Variants in ENTPD1 observed in about 807,000 individuals in gnomAD.
The protein encoded by ENTPD1 is ectonucleoside triphosphate diphosphohydrolase 1.
ENTPD1 carries 33 observed loss-of-function variants against 57.0 expected under a neutral mutation model. The observed-to-expected ratio is 0.58, with a 90% CI of 0.44 to 0.77. ENTPD1 has a LOEUF of 0.77. Among genes scored for constraint, ENTPD1 ranks in the 30% least tolerant of loss-of-function variants. ENTPD1 has a pLI of 0.00. For missense variants in ENTPD1, 501 were observed against 603.4 expected, an observed-to-expected ratio of 0.83 and a Z score of 1.78; for synonymous variants, 202 against 218.8, an observed-to-expected ratio of 0.92 and a Z score of 0.68.
chr10:95,867,640 G>C lies in ENTPD1; in HGVS notation c.*1257G>C. 1 of 985,404 alleles carries C rather than the reference G, an allele frequency of 1.0e-6. No homozygotes were observed. Among genetic ancestry groups the C allele is most frequent in the Non-Finnish European group, 1.2e-6 (1 of 829,942 alleles). The allele number at this position is 985,404 out of a possible 1,614,324, so 61.0% of individuals were successfully genotyped here. ...CTTATTCCATGAAGCAGCAGCTATA[G>C]ACCTTACCATGGAAACATGAAGAGA... On this transcript the variant is annotated 3_prime_UTR_variant, in exon 10 of 10. Transcript: ENST00000371205.
rs541733237 is a variant in ENTPD1 at position 95,852,245 on chromosome 10, T to C, written c.1074+4539T>C. Among the ~76,000 whole-genome samples, 171 of 152,374 alleles carry C rather than the reference T, an allele frequency of 1.1e-3. 6 individuals are homozygous for C. The South Asian group carries it at 0.035, about 31-fold the overall frequency. The stretch of plus-strand genomic sequence containing the variant: ...AATGTCTTCTTTTGAGAAGTGTCTA[T>C]TCAGGTCCTTCGCCCACTTTGTGAT... On this transcript the variant is annotated intron_variant, in intron 7 of 9. Coordinates refer to ENST00000371205, the MANE Select transcript of ENTPD1 (RefSeq NM_001776.6).
At chr10:95,781,526 G>A (rs967958789) in intron 1 of ENTPD1, among the ~76,000 whole-genome samples, 1 of 152,062 alleles carries the variant, frequency 6.6e-6, no homozygotes, top group Non-Finnish European at 1.5e-5. Flanking sequence ...CGCATTGCAT[G>A]CCTGTAACAA....
intron 1 of ENTPD1, among the ~76,000 whole-genome samples, chr10:95,779,102 C>T (rs1357316310): frequency 1.3e-5 from 2 of 152,184 alleles, no homozygotes; most frequent in Middle Eastern, 3.2e-3. Context: ...ACACTTGTCT[C>T]ATTATATTAG....
At chr10:95,743,570 A>C (rs1227437319) in intron 1 of ENTPD1, among the ~76,000 whole-genome samples, 1 of 152,150 alleles carries the variant, frequency 6.6e-6, no homozygotes, top group Non-Finnish European at 1.5e-5. Context: ...TGTTTATTTA[A>C]TAATTCATTT....
intron 1 of ENTPD1, among the ~76,000 whole-genome samples, chr10:95,783,778 G>A (rs1182618967): frequency 1.3e-5 from 2 of 151,586 alleles, no homozygotes; most frequent in Non-Finnish European, 2.9e-5. Context: ...TTTGATGGTA[G>A]GAAAAATATT....
chr10:95,713,015 CAG>C (rs1184233065), intron 1 of ENTPD1, among the ~76,000 whole-genome samples: 1 of 142,618 alleles, frequency 7.0e-6, no homozygotes, highest in East Asian at 2.0e-4. Context: ...GACTGGGCGA[CAG>C]AGCGAGATTC....
chr10:95,694,634 T>C, the ENTPD1 span, among the ~76,000 whole-genome samples: 1 of 151,068 alleles, frequency 6.6e-6, no homozygotes, highest in Non-Finnish European at 1.5e-5. Flanking sequence ...AAACATTGTC[T>C]AGGAGGTGAG....
In ENTPD1 at chr10:95,855,517, G is replaced by A. The variant is rs367700614; in HGVS notation, c.1075-4952G>A. ...GTTATTTTGCTCGTTAGTTGATGCA[G>A]TTTCTTCCTAGCCTTGATGGTCTTT... On this transcript the variant is annotated intron_variant, in intron 7 of 9. Transcript: ENST00000371205. 5.9e-5 allele frequency among the ~76,000 whole-genome samples: 9 copies of A among 152,172 alleles called. No homozygotes were observed. The East Asian group carries it at 1.7e-3, about 29-fold the overall frequency.
intron 1 of ENTPD1, among the ~76,000 whole-genome samples, chr10:95,720,263 C>T (rs1206019790): frequency 2.0e-5 from 3 of 152,028 alleles, no homozygotes; most frequent in African/African-American, 7.3e-5. Flanking sequence ...CCGTCTGTTG[C>T]CCAGACTTCA....
At chr10:95,809,144 A>G (rs977428340) in intron 1 of ENTPD1, among the ~76,000 whole-genome samples, 1 of 152,142 alleles carries the variant, frequency 6.6e-6, no homozygotes, top group African/African-American at 2.4e-5. Flanking sequence ...CACAGTAACA[A>G]TCTGATCTCT....
At chr10:95,848,088 T>A (rs2098438908) in intron 7 of ENTPD1, among the ~76,000 whole-genome samples, 1 of 152,138 alleles carries the variant, frequency 6.6e-6, no homozygotes. Context: ...TAGGGGGTTG[T>A]GCCCAGGGGA....
chr10:95,799,902 A>G (rs1224387908), intron 1 of ENTPD1, among the ~76,000 whole-genome samples: 1 of 152,002 alleles, frequency 6.6e-6, no homozygotes, highest in Non-Finnish European at 1.5e-5. Flanking sequence ...AGCTTTTTTT[A>G]TATGATTGTT....
chr10:95,730,221 G>GTT (rs144221478), intron 1 of ENTPD1, among the ~76,000 whole-genome samples: 7 of 141,100 alleles, frequency 5.0e-5, no homozygotes, highest in Admixed American at 1.4e-4. Flanking sequence ...GTGTTCTTTT[G>GTT]TTTTTTTTTT....
rs2098486300 is a variant in ENTPD1 at position 95,876,929 on chromosome 10, T to C, written c.*10546T>C. 6.6e-6 allele frequency among the ~76,000 whole-genome samples: 1 copy of C among 152,212 alleles called. No individual in the cohort carries two copies. Among genetic ancestry groups the C allele is most frequent in the South Asian group, 2.1e-4 (1 of 4,824 alleles). On this transcript the variant is annotated 3_prime_UTR_variant, in exon 10 of 10. Coordinates refer to ENST00000371205, the MANE Select transcript of ENTPD1 (RefSeq NM_001776.6). The stretch of plus-strand genomic sequence containing the variant: ...CAAATGGTGAAGGTGGGCAGAATCA[T>C]TATGTGATGCAACATGGCAAAAGTA...
chr10:95,845,920 T>C, intron 6 of ENTPD1: 1 of 360,770 alleles, frequency 2.8e-6, no homozygotes, highest in South Asian at 3.1e-5. Flanking sequence ...TTGCAATTTA[T>C]AAGCTCTTTT....
chr10:95,694,904 T>TG, the ENTPD1 span, among the ~76,000 whole-genome samples: 1 of 146,204 alleles, frequency 6.8e-6, no homozygotes, highest in Admixed American at 6.8e-5. Context: ...GATTTTTTTT[T>TG]TTTTTTTTTT....
chr10:95,849,709 A>G (rs1250648606), intron 7 of ENTPD1, among the ~76,000 whole-genome samples: 1 of 152,254 alleles, frequency 6.6e-6, no homozygotes, highest in Non-Finnish European at 1.5e-5. Flanking sequence ...TGACAAGACA[A>G]TGACTGGCAG....
intron 1 of ENTPD1, among the ~76,000 whole-genome samples, chr10:95,799,328 T>C (rs915702710): frequency 6.6e-6 from 1 of 152,162 alleles, no homozygotes; most frequent in Admixed American, 6.6e-5. Flanking sequence ...CTAGTGTGTG[T>C]TATGCCACTT....
rs1324434144 is a variant in ENTPD1, at chr10:95,860,580, G to A, written c.1186G>A (p.Glu396Lys). 5 of 1,613,072 alleles carry A rather than the reference G, an allele frequency of 3.1e-6. No homozygotes were observed. Among genetic ancestry groups the A allele is most frequent in the Non-Finnish European group, 4.2e-6 (5 of 1,179,336 alleles). The change falls in exon 8 of 10, where the codon GAG (glutamate) becomes AAG (lysine). Residue 396 changes from glutamate to lysine, a missense_variant and splice_region_variant. Transcript: ENST00000371205. Reference sequence around the variant, plus strand: ...AAAGTTCTGTGCTCAGCCTTGGGAGGAGGTAAGTGACTAGGCACAGCAGCT... The same window carrying A: ...AAAGTTCTGTGCTCAGCCTTGGGAGAAGGTAAGTGACTAGGCACAGCAGCT... The part of the protein sequence containing the change: ...MKKFCAQPWE[E>K]IKTSYAGVKE...
Sources: allele counts gnomAD v4.1 joint callset (sites outside exome capture counted in the v4.1 genomes callset), GRCh38; gene constraint gnomAD v4.1.1; transcripts MANE v1.5; gene names NCBI Gene and HGNC (gene_info 2026-07-23, HGNC 2026-07-21).